The following CPN1 variants were observed in gnomAD, a reference collection of about 807,000 sequenced individuals.
CPN1 encodes the protein carboxypeptidase N catalytic chain.
In CPN1, 37 loss-of-function variants were observed where a neutral mutation model predicts 46.4. The ratio of observed to expected loss-of-function variants is 0.80; its 90% confidence interval spans 0.61 to 1.05. The LOEUF (loss-of-function observed/expected upper bound fraction) is 1.05, where lower values mean the gene tolerates loss of function less well. Among genes scored for constraint, CPN1 ranks in the 50% least tolerant of loss-of-function variants. The pLI is 0.00. For synonymous variants in CPN1, 224 were observed against 235.4 expected, an observed-to-expected ratio of 0.95 and a Z score of 0.44; for missense variants, 563 against 602.6, an observed-to-expected ratio of 0.93 and a Z score of 0.69.
At chr10:100,053,564 G>A (rs1175994677) in intron 7 of CPN1, among the ~76,000 whole-genome samples, 1 of 151,782 alleles carries the variant, frequency 6.6e-6, no homozygotes, top group Non-Finnish European at 1.5e-5. Flanking sequence ...GGCAGAGGTT[G>A]CAGTGAGATC....
chr10:100,077,714 C>A (rs1251185115), intron 1 of CPN1, among the ~76,000 whole-genome samples: 1 of 151,972 alleles, frequency 6.6e-6, no homozygotes, highest in East Asian at 1.9e-4. Flanking sequence ...AGCGAGTATT[C>A]TTTAATCTTA....
At chr10:100,073,059 G>A (rs1048130915) in intron 2 of CPN1, among the ~76,000 whole-genome samples, 8 of 152,242 alleles carry the variant, frequency 5.3e-5, no homozygotes, top group Non-Finnish European at 1.0e-4. Context: ...ATAAAATGCG[G>A]CAGATTACAT....
chr10:100,074,581 AAT>A (rs2041503739), intron 2 of CPN1, among the ~76,000 whole-genome samples: 1 of 151,992 alleles, frequency 6.6e-6, no homozygotes, highest in African/African-American at 2.4e-5. Context: ...ATGCCTGGCT[AAT>A]TTTTTGTATA....
At chr10:100,080,884 C>A (rs530958887) in intron 1 of CPN1, among the ~76,000 whole-genome samples, 19 of 152,180 alleles carry the variant, frequency 1.2e-4, no homozygotes, top group African/African-American at 3.4e-4. Flanking sequence ...CAGAGCCAGA[C>A]CCCGTCTCAA....
chr10:100,054,368 T>C lies in CPN1; in HGVS notation c.1090A>G (p.Ile364Val). ...LANAVISVSGINHDVTSGDHG... is the reference protein window; with the variant it reads ...LANAVISVSGVNHDVTSGDHG... ...CTACCTGAAGTGACATCATGGTTAA[T>C]CCCACTGACAGAAATGACAGCATTG... Residue 364 changes from isoleucine (I) to valine (V), a missense_variant, in exon 7 of 9, where the codon ATT (isoleucine) becomes GTT (valine). Coordinates refer to ENST00000370418, the MANE Select transcript of CPN1 (RefSeq NM_001308.3). 6.2e-7 allele frequency: 1 copy of C among 1,613,942 alleles called. No individual in the cohort carries two copies. The highest frequency in any genetic ancestry group is 1.1e-5 in the South Asian group (1 of 91,078).
chr10:100,065,413 C>A (rs1431573583), intron 3 of CPN1, 43 bp from the exon 4 acceptor site: 2 of 1,609,998 alleles, frequency 1.2e-6, no homozygotes, highest in African/African-American at 2.7e-5. Flanking sequence ...CCAACTGGGG[C>A]TACCAAACAA....
At position 100,081,475 on chromosome 10, in the gene CPN1, T is replaced by C. The variant is rs61733668; in HGVS notation, c.151A>G (p.Ile51Val). Residue 51 changes from isoleucine (I) to valine (V), a missense_variant, in exon 1 of 9, where the codon ATT (isoleucine) becomes GTT (valine). Transcript: ENST00000370418. ...TGTCTCCCCTCCACGCTGCGCCCAA[T>C]GCTGTAGACCCGCGTGATGCCGGGG... ...ECPGITRVYSIGRSVEGRHLY... is the reference protein window; with the variant it reads ...ECPGITRVYSVGRSVEGRHLY... The C allele has an allele frequency of 1.5e-3, 2,398 of 1,614,130 alleles. 4 individuals are homozygous for C. The highest frequency in any genetic ancestry group is 1.8e-3 in the Non-Finnish European group (2,169 of 1,180,032).
At chr10:100,042,683 G>A in intron 8 of CPN1, 110 bp from the exon 9 acceptor site, 1 of 1,363,502 alleles carries the variant, frequency 7.3e-7, no homozygotes, top group Non-Finnish European at 1.0e-6. Context: ...GTGACCCAGA[G>A]AAGCACTGGT....
chr10:100,081,662 G>A lies in CPN1; in HGVS notation c.-37C>T. ...TTTTCAAAGAGAGCCACTGAAACGC[G>A]CCCCACCTCCTTAAACAACCTAGCC... is the stretch of plus-strand genomic sequence containing the variant. On this transcript the variant is annotated 5_prime_UTR_variant, in exon 1 of 9. Coordinates refer to ENST00000370418, the MANE Select transcript of CPN1 (RefSeq NM_001308.3). 1 of 1,569,216 alleles carries A rather than the reference G, an allele frequency of 6.4e-7. No homozygotes were observed. Among genetic ancestry groups the A allele is most frequent in the Non-Finnish European group, 8.7e-7 (1 of 1,143,344 alleles).
intron 5 of CPN1, among the ~76,000 whole-genome samples, chr10:100,059,968 G>C (rs1290416577): frequency 2.0e-5 from 3 of 152,156 alleles, no homozygotes; most frequent in African/African-American, 7.2e-5. Context: ...GGACATTATG[G>C]TAAGTGAAAT....
rs1355025456 is a variant in CPN1 at position 100,043,800 on chromosome 10, C to T, written c.1231-1227G>A. Among the ~76,000 whole-genome samples, 3 of 152,056 alleles carry T rather than the reference C, an allele frequency of 2.0e-5. No homozygotes were observed. In the East Asian group the frequency reaches 5.8e-4, roughly 29 times the overall value. On this transcript the variant is annotated intron_variant, in intron 8 of 8. Transcript: ENST00000370418. ...CTGGGATTACAGGCACATGCCACCA[C>T]ATCCTGCTTGGATTCTTAAACTGGA...
intron 1 of CPN1, among the ~76,000 whole-genome samples, chr10:100,080,246 A>G (rs1466665098): frequency 1.3e-5 from 2 of 152,184 alleles, no homozygotes; most frequent in Non-Finnish European, 2.9e-5. Context: ...GAAAGAAGTG[A>G]GAAATTAGAA....
intron 2 of CPN1, among the ~76,000 whole-genome samples, chr10:100,075,381 G>C (rs1397133409): frequency 6.6e-6 from 1 of 152,178 alleles, no homozygotes; most frequent in African/African-American, 2.4e-5. Flanking sequence ...TGCTATACTA[G>C]TAGAGGAAAC....
intron 8 of CPN1, among the ~76,000 whole-genome samples, chr10:100,043,730 T>G (rs1351288291): frequency 1.3e-5 from 2 of 151,926 alleles, no homozygotes; most frequent in African/African-American, 4.8e-5. Flanking sequence ...CTCAAACTCC[T>G]GGGTTCAAGA....
chr10:100,076,412 G>A (rs1394747977), intron 1 of CPN1, among the ~76,000 whole-genome samples: 1 of 152,200 alleles, frequency 6.6e-6, no homozygotes, highest in Non-Finnish European at 1.5e-5. Context: ...CAGGGTGAGG[G>A]TAATAAGGAT....
In CPN1 at chr10:100,081,517, T is replaced by C. The variant is rs2041546333; in HGVS notation, c.109A>G (p.Lys37Glu). The change falls in exon 1 of 9, where the codon AAG becomes GAG. Residue 37 changes from lysine (K) to glutamate (E), a missense_variant. Transcript: ENST00000370418. ...ATGCCGGGGCATTCGTTTTGCACCT[T>C]GTACAGCGTCCGCACAAGATCATCA... ...RYDDLVRTLYKVQNECPGITR... is the reference protein window; with the variant it reads ...RYDDLVRTLYEVQNECPGITR... The C allele has an allele frequency of 6.2e-7, 1 of 1,614,042 alleles. No individual in the cohort carries two copies.
intron 8 of CPN1, among the ~76,000 whole-genome samples, chr10:100,044,923 C>A (rs944957870): frequency 2.0e-5 from 3 of 152,170 alleles, no homozygotes; most frequent in Non-Finnish European, 4.4e-5. Flanking sequence ...GTTGGCCAGG[C>A]TGGTCTCGAA....
At position 100,054,450 on chromosome 10, in the gene CPN1, C is replaced by A. The variant is rs2041373627; in HGVS notation, c.1012-4G>T. ...TTCCCTTGATGCCCTGGTGAACCTG[C>A]AGGAACAAGTATATAGTTATGATCA... On this transcript the variant is annotated splice_polypyrimidine_tract_variant and splice_region_variant and intron_variant, in intron 6 of 8. Transcript: ENST00000370418. 1 of 1,608,270 alleles carries A rather than the reference C, an allele frequency of 6.2e-7. No homozygotes were observed. Among genetic ancestry groups the A allele is most frequent in the African/African-American group, 1.3e-5 (1 of 74,902 alleles).
At chr10:100,066,054 C>T (rs1283486179) in intron 3 of CPN1, among the ~76,000 whole-genome samples, 4 of 152,128 alleles carry the variant, frequency 2.6e-5, no homozygotes, top group South Asian at 2.1e-4. Context: ...CTCCCGGACT[C>T]AAGCGATCCT....
Sources: gnomAD v4.1 joint callset for allele counts (sites outside exome capture counted in the v4.1 genomes callset) on GRCh38, gnomAD v4.1.1 for gene constraint, MANE v1.5 for transcripts, NCBI Gene and HGNC (gene_info 2026-07-23, HGNC 2026-07-21) for gene names.